Variants in CDH18 observed in about 807,000 individuals in gnomAD.
The protein encoded by CDH18 is cadherin 18.
In CDH18, 31 loss-of-function variants were observed where a neutral mutation model predicts 67.9. The ratio of observed to expected loss-of-function variants is 0.46; its 90% CI spans 0.34 to 0.62. The LOEUF (loss-of-function observed/expected upper bound fraction) is 0.62. CDH18 is among the 20% of genes least tolerant of loss of function. The probability of loss-of-function intolerance (pLI) is 0.01; values close to 1 mark genes in which losing one functional copy is unlikely to be tolerated. For missense variants in CDH18, 890 were observed against 975.5 expected, an observed-to-expected ratio of 0.91 and a Z score of 1.17; for synonymous variants, 362 against 347.2, an observed-to-expected ratio of 1.04 and a Z score of -0.48.
chr5:20,038,317 T>C (rs1273613606), intron 2 of CDH18, among the ~76,000 whole-genome samples: 1 of 151,860 alleles, frequency 6.6e-6, no homozygotes, highest in African/African-American at 2.4e-5. Flanking sequence ...TCCAAACAAC[T>C]GAAAAAGAGG....
At chr5:20,312,752 G>C (rs1737108048) in intron 1 of CDH18, among the ~76,000 whole-genome samples, 2 of 152,048 alleles carry the variant, frequency 1.3e-5, no homozygotes, top group Non-Finnish European at 2.9e-5. Context: ...CTTAAAGATA[G>C]TTTAGAAGAC....
At chr5:19,718,302 G>C (rs976285980) in intron 5 of CDH18, among the ~76,000 whole-genome samples, 2 of 151,944 alleles carry the variant, frequency 1.3e-5, no homozygotes, top group African/African-American at 4.8e-5. Context: ...AAAATAACTG[G>C]AAACATGCTG....
chr5:19,571,605 A>T lies in CDH18; in HGVS notation c.1227T>A (p.Asp409Glu). The T allele has an allele frequency of 6.2e-7, 1 of 1,613,992 alleles. No homozygotes were observed. The highest frequency in any genetic ancestry group is 8.5e-7 in the Non-Finnish European group (1 of 1,179,910). ...GTVVGTVLAQ[D>E]PDSTNSLVRY... The stretch of plus-strand genomic sequence containing the variant: ...TTACTAAGCTGTTAGTACTGTCAGG[A>T]TCTTGTGCCAAAACTGTACCAACGA... Residue 409 changes from aspartate to glutamate, a missense_variant, in exon 8 of 13, where the codon GAT becomes GAA. Around this residue, in one of 2 missense-constraint regions of CDH18, gnomAD observed 656 missense variants for 668.1 expected, o/e 0.98. Coordinates refer to ENST00000382275, the MANE Select transcript of CDH18 (RefSeq NM_004934.5).
intron 2 of CDH18, among the ~76,000 whole-genome samples, chr5:20,107,168 C>T (rs962331373): frequency 1.3e-5 from 2 of 151,854 alleles, no homozygotes; most frequent in Non-Finnish European, 2.9e-5. Context: ...GCAAGCTCCG[C>T]CTCCTGGGTT....
intron 1 of CDH18, among the ~76,000 whole-genome samples, chr5:20,342,219 C>A (rs562021021): frequency 6.6e-6 from 1 of 152,220 alleles, no homozygotes. Flanking sequence ...GACCCTGCAA[C>A]TTGGAATGGG....
intron 5 of CDH18, among the ~76,000 whole-genome samples, chr5:19,719,425 A>G (rs1325849352): frequency 1.3e-5 from 2 of 152,070 alleles, no homozygotes; most frequent in East Asian, 3.9e-4. Flanking sequence ...TAAGGTAGGA[A>G]TTTATATTTA....
chr5:19,521,112 T>A (rs552327105), intron 9 of CDH18, among the ~76,000 whole-genome samples: 1 of 152,282 alleles, frequency 6.6e-6, no homozygotes. Context: ...TCATCATTAA[T>A]CTAAGAAAAA....
rs748939624 is a variant in CDH18, at chr5:19,503,070, C to G, written c.1552G>C (p.Ala518Pro). Reference sequence around the variant, plus strand: ...AAGAAGTTAAACCTTGGTCCATTGGCAAAATCATCTTTATCAGTGGCACTG... The same window carrying G: ...AAGAAGTTAAACCTTGGTCCATTGGGAAAATCATCTTTATCAGTGGCACTG... Reference protein sequence around the residue: ...TISATDKDDFANGPRFNFFLD... With the variant: ...TISATDKDDFPNGPRFNFFLD... The change falls in exon 11 of 13, where the codon GCC becomes CCC. Residue 518 changes from alanine (A) to proline (P), a missense_variant. Coordinates refer to ENST00000382275, the MANE Select transcript of CDH18 (RefSeq NM_004934.5). The G allele has an allele frequency of 1.9e-6, 3 of 1,610,828 alleles. No individual in the cohort carries two copies. Among genetic ancestry groups the G allele is most frequent in the Admixed American group, 1.7e-5 (1 of 59,922 alleles).
intron 11 of CDH18, among the ~76,000 whole-genome samples, chr5:19,488,118 A>T (rs939737172): frequency 3.9e-5 from 6 of 152,154 alleles, no homozygotes; most frequent in Non-Finnish European, 8.8e-5. Context: ...AGTTTGAAAG[A>T]CCTTGCAGGA....
intron 1 of CDH18, among the ~76,000 whole-genome samples, chr5:20,498,053 T>C (rs185548473): frequency 5.3e-5 from 8 of 152,272 alleles, no homozygotes; most frequent in Non-Finnish European, 1.0e-4. Flanking sequence ...AGATCAAATC[T>C]GCCAGTAACC....
chr5:19,759,625 A>G (rs553097930), intron 3 of CDH18, among the ~76,000 whole-genome samples: 13 of 152,254 alleles, frequency 8.5e-5, no homozygotes, highest in Admixed American at 2.6e-4. Flanking sequence ...GAGGACCACA[A>G]TGATGTCTTG....
chr5:20,085,538 G>A (rs950918245), intron 2 of CDH18, among the ~76,000 whole-genome samples: 6 of 152,044 alleles, frequency 3.9e-5, no homozygotes, highest in South Asian at 2.1e-4. Context: ...TACTGGTACC[G>A]ACTTACTGTA....
intron 1 of CDH18, among the ~76,000 whole-genome samples, chr5:20,342,212 C>T (rs1442592699): frequency 1.3e-5 from 2 of 152,084 alleles, no homozygotes; most frequent in Non-Finnish European, 2.9e-5. Context: ...AGAATGGGAC[C>T]CTGCAACTTG....
intron 1 of CDH18, among the ~76,000 whole-genome samples, chr5:20,380,799 CA>C (rs1239449292): frequency 6.6e-6 from 1 of 152,006 alleles, no homozygotes; most frequent in East Asian, 1.9e-4. Context: ...GATAATATTT[CA>C]AAAAGGAACA....
At chr5:19,922,071 T>C (rs960796720) in intron 2 of CDH18, among the ~76,000 whole-genome samples, 2 of 152,170 alleles carry the variant, frequency 1.3e-5, no homozygotes, top group Non-Finnish European at 2.9e-5. Flanking sequence ...GGTTGGAAGA[T>C]GGAAAGCATT....
intron 5 of CDH18, among the ~76,000 whole-genome samples, chr5:19,621,083 A>T (rs1750613407): frequency 6.6e-6 from 1 of 152,174 alleles, no homozygotes; most frequent in Non-Finnish European, 1.5e-5. Flanking sequence ...TTTACCTGTG[A>T]GTAAATATCA....
intron 2 of CDH18, among the ~76,000 whole-genome samples, chr5:19,916,861 T>C (rs989772871): frequency 3.3e-4 from 50 of 152,172 alleles, no homozygotes; most frequent in African/African-American, 1.1e-3. Context: ...CAAAATTTGC[T>C]GCTAAGATTC....
At chr5:20,568,597 G>A (rs1287936035) in intron 1 of CDH18, among the ~76,000 whole-genome samples, 1 of 148,952 alleles carries the variant, frequency 6.7e-6, no homozygotes, top group Non-Finnish European at 1.5e-5. Flanking sequence ...TCAAGAGTGG[G>A]CATTTCAGAA....
chr5:19,505,544 T>C lies in CDH18; in HGVS notation c.1513-2435A>G, dbSNP rs1218817550. On this transcript the variant is annotated intron_variant, in intron 10 of 12. Coordinates refer to ENST00000382275, the MANE Select transcript of CDH18 (RefSeq NM_004934.5). ...TAGCATGAAGCATTGTTGAATTTTG[T>C]AAAAGTCCTTTTCAGCATCTATTGA... is the stretch of plus-strand genomic sequence containing the variant. 1.4e-4 allele frequency among the ~76,000 whole-genome samples: 21 copies of C among 152,130 alleles called. 1 individual carries two copies. Among genetic ancestry groups the C allele is most frequent in the Admixed American group, 1.4e-3 (21 of 15,258 alleles).
Sources: gnomAD v4.1 joint callset for allele counts (sites outside exome capture counted in the v4.1 genomes callset) on GRCh38, gnomAD v4.1.1 for gene constraint, gnomAD v4.1.1 regional missense constraint, MANE v1.5 for transcripts, NCBI Gene and HGNC (gene_info 2026-07-23, HGNC 2026-07-21) for gene names.